Variants in SCEL observed in about 807,000 individuals in gnomAD.
SCEL encodes sciellin.
SCEL carries 113 observed loss-of-function variants against 117.6 expected under a neutral mutation model. That is an observed-to-expected ratio of 0.96 (90% CI 0.83 to 1.12). The LOEUF is 1.12. Among genes scored for constraint, SCEL ranks in the 50% most tolerant of loss-of-function variants. The pLI is 0.00. For synonymous variants in SCEL, 270 were observed against 256.2 expected (o/e 1.05, Z -0.51); for missense variants, 785 against 810.8 (o/e 0.97, Z 0.39).
chr13:77,545,769 G>A (rs966785001), intron 1 of SCEL, among the ~76,000 whole-genome samples: 1 of 152,248 alleles, frequency 6.6e-6, no homozygotes, highest in Non-Finnish European at 1.5e-5. Context: ...AAGAGGTTGT[G>A]TGAAAGATGT....
At chr13:77,630,876 A>C (rs1169534840) in intron 28 of SCEL, among the ~76,000 whole-genome samples, 1 of 152,232 alleles carries the variant, frequency 6.6e-6, no homozygotes, top group Admixed American at 6.5e-5. Context: ...TTAAGCCATC[A>C]AGTGACATAT....
intron 5 of SCEL, among the ~76,000 whole-genome samples, chr13:77,565,561 G>C (rs1056930078): frequency 1.3e-5 from 2 of 152,212 alleles, no homozygotes; most frequent in Non-Finnish European, 2.9e-5. Flanking sequence ...AGAAAGGCAA[G>C]TCCTGTTAGC....
intron 9 of SCEL, among the ~76,000 whole-genome samples, chr13:77,573,491 A>G (rs1043903090): frequency 6.6e-6 from 1 of 152,226 alleles, no homozygotes; most frequent in African/African-American, 2.4e-5. Flanking sequence ...GCAGACTTCT[A>G]ATGTCTCTTT....
chr13:77,569,529 G>C, intron 8 of SCEL, 78 bp downstream of exon 8: 1 of 1,097,820 alleles, frequency 9.1e-7, no homozygotes, highest in South Asian at 1.4e-5. Context: ...CCTCTTTTTT[G>C]TGGGGATCCA....
intron 11 of SCEL, among the ~76,000 whole-genome samples, chr13:77,592,835 G>A (rs1457648973): frequency 6.6e-6 from 1 of 151,970 alleles, no homozygotes; most frequent in Non-Finnish European, 1.5e-5. Context: ...AAAGTTCTGG[G>A]ATTACAGGTG....
chr13:77,588,482 T>C (rs182186745), intron 9 of SCEL, among the ~76,000 whole-genome samples: 5 of 152,228 alleles, frequency 3.3e-5, no homozygotes, highest in African/African-American at 9.6e-5. Flanking sequence ...GGGAGTGACA[T>C]ACTCTTAGTA....
At position 77,603,067 on chromosome 13, in the gene SCEL, T is replaced by G. The variant is rs780682544; in HGVS notation, c.1038-9T>G. 6.6e-7 allele frequency: 1 copy of G among 1,504,196 alleles called. No homozygotes were observed. The allele number at this position is 1,504,196 out of a possible 1,614,324, so 93.2% of individuals were successfully genotyped here. ...GTTTTGAAACTGATATAAACTTTTT[T>G]TTTTAAAGAAGTGAAGACCTTGATA... On this transcript the variant is annotated splice_polypyrimidine_tract_variant and intron_variant, in intron 17 of 32. Transcript: ENST00000349847.
At chr13:77,550,143 C>T (rs905707600) in intron 1 of SCEL, among the ~76,000 whole-genome samples, 15 of 151,470 alleles carry the variant, frequency 9.9e-5, no homozygotes, top group South Asian at 4.2e-4. Context: ...CCCAGTACTT[C>T]GGGAGGCTGA....
chr13:77,570,895 C>T (rs1029904129), intron 8 of SCEL, among the ~76,000 whole-genome samples: 1 of 151,412 alleles, frequency 6.6e-6, no homozygotes, highest in Non-Finnish European at 1.5e-5. Context: ...TGCAGTGGTG[C>T]AATTTCGGCT....
intron 22 of SCEL, 101 bp downstream of exon 22, chr13:77,610,207 GT>G: frequency 1.4e-6 from 1 of 722,480 alleles, no homozygotes; most frequent in Non-Finnish European, 2.2e-6. Flanking sequence ...AATCCCAACA[GT>G]TTAGGAGGCC....
chr13:77,582,516 T>G (rs2086321448), intron 9 of SCEL, among the ~76,000 whole-genome samples: 1 of 152,178 alleles, frequency 6.6e-6, no homozygotes, highest in Non-Finnish European at 1.5e-5. Flanking sequence ...GTCTGAACCA[T>G]CCTGTAGGCC....
chr13:77,618,179 T>G, intron 27 of SCEL, 119 bp downstream of exon 27: 1 of 783,530 alleles, frequency 1.3e-6, no homozygotes, highest in East Asian at 2.5e-5. Flanking sequence ...CCTTCCTCCC[T>G]TTTTTCTTTC....
intron 22 of SCEL, 63 bp from the exon 23 acceptor site, chr13:77,612,828 G>GA (rs2088761303): frequency 1.1e-5 from 11 of 999,474 alleles, no homozygotes; most frequent in Middle Eastern, 4.3e-4. Context: ...TATTAAGGTT[G>GA]AAAAAATATA....
At chr13:77,565,872 T>C (rs927963526) in intron 5 of SCEL, among the ~76,000 whole-genome samples, 3 of 152,230 alleles carry the variant, frequency 2.0e-5, no homozygotes, top group African/African-American at 7.2e-5. Context: ...TAGTGCTCCA[T>C]TGTGAAAGTA....
At chr13:77,622,227 A>AT (rs1256055598) in intron 27 of SCEL, among the ~76,000 whole-genome samples, 1 of 152,184 alleles carries the variant, frequency 6.6e-6, no homozygotes, top group Non-Finnish European at 1.5e-5. Context: ...ATACTCTATA[A>AT]AAACAATTTA....
intron 27 of SCEL, among the ~76,000 whole-genome samples, chr13:77,620,800 G>A (rs1424164572): frequency 4.0e-5 from 6 of 151,208 alleles, no homozygotes; most frequent in Non-Finnish European, 4.4e-5. Flanking sequence ...ATCTAAAGTA[G>A]AAAAAAAAAT....
intron 3 of SCEL, among the ~76,000 whole-genome samples, chr13:77,558,435 A>C (rs2084780912): frequency 6.6e-6 from 1 of 152,098 alleles, no homozygotes. Flanking sequence ...GTCTTTGAGA[A>C]TGTATATTTG....
intron 28 of SCEL, among the ~76,000 whole-genome samples, chr13:77,633,260 C>T (rs1440614530): frequency 1.2e-4 from 18 of 149,678 alleles, no homozygotes; most frequent in Non-Finnish European, 2.5e-4. Flanking sequence ...CAAGGTGAAA[C>T]CCCGTCTCTA....
intron 1 of SCEL, among the ~76,000 whole-genome samples, chr13:77,540,503 G>A (rs1229263041): frequency 6.6e-6 from 1 of 152,230 alleles, no homozygotes; most frequent in Non-Finnish European, 1.5e-5. Flanking sequence ...AGTGGCGATG[G>A]TATCACAGAG....
Sources: allele counts gnomAD v4.1 joint callset (sites outside exome capture counted in the v4.1 genomes callset), GRCh38; gene constraint gnomAD v4.1.1; transcripts MANE v1.5; gene names NCBI Gene and HGNC (gene_info 2026-07-23, HGNC 2026-07-21).